TENM3: variants seen among roughly 807,000 people sequenced by gnomAD.
TENM3 encodes teneurin-3.
In TENM3, 63 loss-of-function variants were observed where a neutral mutation model predicts 255.1. The observed-to-expected ratio is 0.25, with a 90% CI of 0.20 to 0.30. The LOEUF is 0.30. Ranked by LOEUF, TENM3 falls within the 10% of genes least tolerant of loss-of-function variation. TENM3 has a pLI of 1.00. For missense variants in TENM3, 2,929 were observed against 3,461.1 expected (o/e 0.85, Z 3.86); for synonymous variants, 1,306 against 1,322.3 (o/e 0.99, Z 0.27).
intron 13 of TENM3, among the ~76,000 whole-genome samples, chr4:182,726,972 A>G (rs1193707242): frequency 6.6e-6 from 1 of 152,232 alleles, no homozygotes; most frequent in South Asian, 2.1e-4. Flanking sequence ...TTAATTGTAT[A>G]AATAAAACAT....
At chr4:182,098,704 G>C in the TENM3 span, among the ~76,000 whole-genome samples, 1 of 152,022 alleles carries the variant, frequency 6.6e-6, no homozygotes, top group Non-Finnish European at 1.5e-5. Flanking sequence ...AGAAGGGGGT[G>C]GTTAATGGAT....
the TENM3 span, among the ~76,000 whole-genome samples, chr4:181,588,802 T>A: frequency 3.5e-4 from 54 of 152,306 alleles, no homozygotes; most frequent in Non-Finnish European, 7.2e-4. Context: ...TCCAAATGTC[T>A]GTAGGGTATT....
the TENM3 span, among the ~76,000 whole-genome samples, chr4:181,505,917 T>A: frequency 6.6e-6 from 1 of 152,324 alleles, no homozygotes; most frequent in East Asian, 1.9e-4. Context: ...CCTGGATTTG[T>A]GTGACACTAA....
chr4:182,563,292 T>C (rs1038449723), intron 3 of TENM3, among the ~76,000 whole-genome samples: 2 of 152,074 alleles, frequency 1.3e-5, no homozygotes, highest in African/African-American at 4.8e-5. Flanking sequence ...TAGCCAGGTA[T>C]GATGGTGTAT....
the TENM3 span, among the ~76,000 whole-genome samples, chr4:182,011,778 C>T: frequency 1.3e-5 from 2 of 152,172 alleles, no homozygotes; most frequent in Non-Finnish European, 2.9e-5. Context: ...TTCAGCTTTC[C>T]TTTGAGCCTG....
chr4:182,161,957 GTGTATATATATATATATATA>G (rs1244027991), intron 1 of TENM3, among the ~76,000 whole-genome samples: 895 of 44,750 alleles, frequency 0.02, 60 homozygotes, highest in Non-Finnish European at 0.027. Context: ...GTGTGTGTGT[GTGTATATATATATATATATA>G]TATATATATA....
At chr4:182,016,990 T>C in the TENM3 span, among the ~76,000 whole-genome samples, 1 of 152,222 alleles carries the variant, frequency 6.6e-6, no homozygotes, top group South Asian at 2.1e-4. Flanking sequence ...TTACCAAAAG[T>C]CATAAAATTT....
At chr4:182,050,804 A>AG in the TENM3 span, among the ~76,000 whole-genome samples, 1 of 14,078 alleles carries the variant, frequency 7.1e-5, no homozygotes, top group African/African-American at 7.4e-5. Flanking sequence ...ACTCCACCTG[A>AG]AAAAAACAAA....
At chr4:181,924,554 A>G in the TENM3 span, among the ~76,000 whole-genome samples, 1 of 152,224 alleles carries the variant, frequency 6.6e-6, no homozygotes, top group Non-Finnish European at 1.5e-5. Flanking sequence ...TAGTCTAATC[A>G]TTCCTTACTT....
At chr4:181,885,095 T>A in the TENM3 span, among the ~76,000 whole-genome samples, 1 of 152,242 alleles carries the variant, frequency 6.6e-6, no homozygotes, top group Non-Finnish European at 1.5e-5. Context: ...ATTTTCACAT[T>A]GCTTTTTGTA....
intron 12 of TENM3, among the ~76,000 whole-genome samples, chr4:182,696,132 A>G (rs1470847384): frequency 2.6e-5 from 4 of 152,238 alleles, no homozygotes; most frequent in Non-Finnish European, 5.9e-5. Flanking sequence ...TTATCAACTC[A>G]GCATATTTAA....
chr4:182,070,606 G>A, the TENM3 span, among the ~76,000 whole-genome samples: 1 of 152,162 alleles, frequency 6.6e-6, no homozygotes, highest in Non-Finnish European at 1.5e-5. Context: ...GACAGAGTGA[G>A]ACTCTGTGTC....
chr4:182,580,030 G>A (rs1185084300), intron 3 of TENM3, among the ~76,000 whole-genome samples: 3 of 152,120 alleles, frequency 2.0e-5, no homozygotes, highest in Admixed American at 1.3e-4. Context: ...TGCTGTTTCT[G>A]TTGTTTTAAA....
At chr4:181,751,658 C>A in the TENM3 span, among the ~76,000 whole-genome samples, 1 of 152,132 alleles carries the variant, frequency 6.6e-6, no homozygotes, top group East Asian at 1.9e-4. Flanking sequence ...GCATGAGCAC[C>A]AGCCTCATCA....
the TENM3 span, among the ~76,000 whole-genome samples, chr4:181,844,667 C>CAA: frequency 2.0e-5 from 3 of 149,520 alleles, no homozygotes; most frequent in African/African-American, 7.4e-5. Flanking sequence ...GACTCCGTCT[C>CAA]AAAAAAATAA....
intron 24 of TENM3, among the ~76,000 whole-genome samples, chr4:182,788,671 G>A (rs990637115): frequency 4.6e-5 from 7 of 152,146 alleles, no homozygotes; most frequent in Admixed American, 1.3e-4. Context: ...TCTTCAAAGG[G>A]CCAGAGTCAC....
At chr4:182,406,177 T>C (rs888289663) in intron 3 of TENM3, among the ~76,000 whole-genome samples, 10 of 151,908 alleles carry the variant, frequency 6.6e-5, no homozygotes, top group African/African-American at 2.4e-4. Flanking sequence ...TGGTGGTGGG[T>C]GCCTGTAGTC....
At chr4:182,790,262 G>A (rs553170917) in intron 25 of TENM3, among the ~76,000 whole-genome samples, 7 of 149,010 alleles carry the variant, frequency 4.7e-5, no homozygotes, top group Middle Eastern at 3.5e-3. Flanking sequence ...ACCCAGCAGC[G>A]CGTGCTACAC....
intron 3 of TENM3, among the ~76,000 whole-genome samples, chr4:182,592,218 C>T (rs1746731523): frequency 6.6e-6 from 1 of 150,782 alleles, no homozygotes; most frequent in South Asian, 2.1e-4. Context: ...GAAATGTAAC[C>T]AGATCAGGGA....
Sources: allele counts gnomAD v4.1 joint callset (sites outside exome capture counted in the v4.1 genomes callset), GRCh38; gene constraint gnomAD v4.1.1; transcripts MANE v1.5; gene names NCBI Gene and HGNC (gene_info 2026-07-23, HGNC 2026-07-21).